Variants in ASPM observed in about 807,000 individuals in gnomAD.
ASPM encodes assembly factor for spindle microtubules.
In ASPM, 256 loss-of-function variants were observed where a neutral mutation model predicts 366.4. The ratio of observed to expected loss-of-function variants is 0.70; its 90% CI spans 0.63 to 0.77. The LOEUF is 0.77. ASPM is among the 30% of genes least tolerant of loss of function. ASPM has a pLI of 0.00. For synonymous variants in ASPM, 1,414 were observed against 1,342.9 expected (o/e 1.05, Z -1.16); for missense variants, 4,146 against 4,090.4 (o/e 1.01, Z -0.37).
rs137887134 is a variant in ASPM, at chr1:197,086,846, G to A, written c.10288C>T (p.Pro3430Ser). Residue 3430 changes from proline (P) to serine (S), a missense_variant, in exon 27 of 28, where the codon CCT (proline) becomes TCT (serine). Physicochemically the swap from Pro to Ser is moderately conservative, Grantham distance 74. This residue lies in a region of ASPM where 3,624 missense variants were observed against 3,591.7 expected (regional missense o/e 1.01). Coordinates refer to ENST00000367409, the MANE Select transcript of ASPM (RefSeq NM_018136.5). ...KQKKNSSISI[P>S]FIPETPVRTR... ...CTTACAGGTGTTTCTGGGATAAAAG[G>A]AATGCTTATAGAAGAATTCTTCTTT... The A allele has an allele frequency of 6.6e-5, 107 of 1,611,540 alleles. No individual in the cohort carries two copies. The highest frequency in any genetic ancestry group is 8.4e-5 in the Non-Finnish European group (99 of 1,178,246).
At chr1:197,135,562 T>G (rs1444468781) in intron 4 of ASPM, among the ~76,000 whole-genome samples, 1 of 151,992 alleles carries the variant, frequency 6.6e-6, no homozygotes, top group African/African-American at 2.4e-5. Context: ...GATAATATAT[T>G]CATAGAATTT....
chr1:197,139,677 A>C (rs1228950953), intron 4 of ASPM, 90 bp downstream of exon 4: 1 of 1,042,988 alleles, frequency 9.6e-7, no homozygotes, highest in East Asian at 2.4e-5. Flanking sequence ...GTTATTCAAC[A>C]ACAAAAATCA....
At position 197,102,694 on chromosome 1, in the gene ASPM, A is replaced by G. The variant is rs1398749301; in HGVS notation, c.6557T>C (p.Leu2186Pro). 2 of 1,612,588 alleles carry G rather than the reference A, an allele frequency of 1.2e-6. No individual in the cohort carries two copies. Among genetic ancestry groups the G allele is most frequent in the African/African-American group, 2.7e-5 (2 of 74,798 alleles). Residue 2186 changes from leucine (L) to proline (P), a missense_variant, in exon 18 of 28, where the codon CTT (leucine) becomes CCT (proline). Coordinates refer to ENST00000367409, the MANE Select transcript of ASPM (RefSeq NM_018136.5). ...SFRGVRVRRTLRKMQTAATLI... is the reference protein window; with the variant it reads ...SFRGVRVRRTPRKMQTAATLI... The stretch of plus-strand genomic sequence containing the variant: ...TGTTGCTGCAGTCTGCATCTTTCTA[A>G]GAGTCCGTCTAACTCTTACTCCTCT...
chr1:197,096,946 T>G (rs1242127580), intron 18 of ASPM, among the ~76,000 whole-genome samples: 1 of 151,750 alleles, frequency 6.6e-6, no homozygotes. Context: ...TGTTAGCATA[T>G]AGCTGTTAAG....
In ASPM at chr1:197,104,071, T is replaced by G. The variant is rs1401244809; in HGVS notation, c.5180A>C (p.Gln1727Pro). The G allele has an allele frequency of 2.5e-6, 4 of 1,613,072 alleles. No homozygotes were observed. The highest frequency in any genetic ancestry group is 3.4e-6 in the Non-Finnish European group (4 of 1,179,468). Residue 1727 changes from glutamine to proline, a missense_variant, in exon 18 of 28, where the codon CAG becomes CCG. Transcript: ENST00000367409. ...CAGTTTGATACAAGATTCCCGCATCTGCATATACTCTTCTCTCTTTTGTGC... is the reference window on the plus strand; with the variant it reads ...CAGTTTGATACAAGATTCCCGCATCGGCATATACTCTTCTCTCTTTTGTGC... ...IAAQKREEYM[Q>P]MRESCIKLQA...
chr1:197,103,809 AC>A lies in ASPM; in HGVS notation c.5441del (p.Gly1814ValfsTer7). On this transcript the variant is annotated frameshift_variant, in exon 18 of 28. Coordinates refer to ENST00000367409, the MANE Select transcript of ASPM (RefSeq NM_018136.5). LOFTEE classifies it high-confidence loss of function. ...AATCLQAAYR[G>X]YKVRQLIKQQ... ...GTTTGATTAGCTGGCGTACTTTATA[AC>A]CTCTGTAAGCTGCTTGCAAGCAAGT... The A allele has an allele frequency of 6.2e-7, 1 of 1,612,846 alleles. No homozygotes were observed. The highest frequency in any genetic ancestry group is 8.5e-7 in the Non-Finnish European group (1 of 1,179,322).
Position 197,102,456 on chromosome 1 carries a change from G to T in ASPM, c.6795C>A (p.Ala2265=). The part of the protein sequence containing the change: ...ARRHLKMMHI[A]ATLIQRRFRT... ...TAAATCTCCTCTGAATGAGAGTTGC[G>T]GCTATATGCATCATTTTTAAATGTC... Residue 2265 remains alanine (A), a synonymous_variant, in exon 18 of 28, where the codon GCC becomes GCA. Coordinates refer to ENST00000367409, the MANE Select transcript of ASPM (RefSeq NM_018136.5). 1 of 1,612,204 alleles carries T rather than the reference G, an allele frequency of 6.2e-7. No homozygotes were observed.
Position 197,101,745 on chromosome 1 carries a change from A to C in ASPM, c.7506T>G (p.Thr2502=), listed in dbSNP as rs1331399364. 1.3e-5 allele frequency: 21 copies of C among 1,612,180 alleles called. No individual in the cohort carries two copies. Among genetic ancestry groups the C allele is most frequent in the Non-Finnish European group, 1.8e-5 (21 of 1,179,128 alleles). Residue 2502 remains threonine (T), a synonymous_variant, in exon 18 of 28, where the codon ACT becomes ACG. Transcript: ENST00000367409. ...RMYRTYITFQ[T]WKHASILIQQ... ...GAATTAGAATTGAAGCATGTTTCCAAGTCTGAAATGTAATATATGTTCTGT... is the reference window on the plus strand; with the variant it reads ...GAATTAGAATTGAAGCATGTTTCCACGTCTGAAATGTAATATATGTTCTGT...
In ASPM at chr1:197,092,067, A is replaced by G; in HGVS notation, c.9295-11T>C. The G allele has an allele frequency of 1.2e-6, 2 of 1,610,988 alleles. No individual in the cohort carries two copies. The highest frequency in any genetic ancestry group is 1.7e-6 in the Non-Finnish European group (2 of 1,178,146). The stretch of plus-strand genomic sequence containing the variant: ...TCTCTGTTCTAAAAACTAAAGGTGA[A>G]AAAACAAAGCATATTCAAGTATCTG... On this transcript the variant is annotated splice_polypyrimidine_tract_variant and intron_variant, in intron 21 of 27. Transcript: ENST00000367409.
chr1:197,094,251 C>T, intron 19 of ASPM, 71 bp from the exon 20 acceptor site: 2 of 900,414 alleles, frequency 2.2e-6, no homozygotes, highest in Middle Eastern at 2.2e-4. Flanking sequence ...TTGCCTCCCC[C>T]CCTTTAAAAT....
intron 5 of ASPM, among the ~76,000 whole-genome samples, chr1:197,133,956 T>A (rs1658343531): frequency 6.6e-6 from 1 of 152,198 alleles, no homozygotes; most frequent in Non-Finnish European, 1.5e-5. Context: ...GAAATGTAAT[T>A]TAATCTTTTA....
Position 197,103,792 on chromosome 1 carries a change from A to G in ASPM, c.5459T>C (p.Leu1820Pro), listed in dbSNP as rs778592617. Residue 1820 changes from leucine to proline, a missense_variant, in exon 18 of 28, where the codon CTA (leucine) becomes CCA (proline). Around this residue, in one of 3 missense-constraint regions of ASPM, gnomAD observed 3,624 missense variants for 3,591.7 expected, o/e 1.01. Coordinates refer to ENST00000367409, the MANE Select transcript of ASPM (RefSeq NM_018136.5). ...AAYRGYKVRQ[L>P]IKQQSIAALK... Reference sequence around the variant, plus strand: ...AGCAGCTATAGATTGTTGTTTGATTAGCTGGCGTACTTTATAACCTCTGTA... The same window carrying G: ...AGCAGCTATAGATTGTTGTTTGATTGGCTGGCGTACTTTATAACCTCTGTA... 6.8e-6 allele frequency: 11 copies of G among 1,613,010 alleles called. No individual in the cohort carries two copies. The highest frequency in any genetic ancestry group is 3.3e-5 in the Admixed American group (2 of 59,804).
intron 9 of ASPM, 120 bp downstream of exon 9, chr1:197,129,067 T>G (rs1468548284): frequency 2.7e-6 from 3 of 1,129,112 alleles, no homozygotes; most frequent in Non-Finnish European, 3.8e-6. Context: ...CCTATTTTAC[T>G]CCTCTGAGTA....
chr1:197,098,290 C>A (rs1657045066), intron 18 of ASPM, among the ~76,000 whole-genome samples: 1 of 151,540 alleles, frequency 6.6e-6, no homozygotes, highest in East Asian at 1.9e-4. Context: ...TCATTAGAGT[C>A]ACCTGGGAGC....
At chr1:197,123,317 C>A (rs1394759160) in intron 13 of ASPM, among the ~76,000 whole-genome samples, 1 of 152,120 alleles carries the variant, frequency 6.6e-6, no homozygotes. Context: ...ACAAAAAGAG[C>A]ACCACCTTGT....
At position 197,143,641 on chromosome 1, in the gene ASPM, C is replaced by A. The variant is rs1658673961; in HGVS notation, c.611G>T (p.Gly204Val). Residue 204 changes from glycine (G) to valine (V), a missense_variant, in exon 3 of 28, where the codon GGT becomes GTT. This residue lies in a region of ASPM where 512 missense variants were observed against 471.7 expected (regional missense o/e 1.09). Transcript: ENST00000367409. Reference sequence around the variant, plus strand: ...TAAAGAATTGTTTTCTGTTGGGGGACCGCCTTCATTCATAGCCAAGTTTTC... The same window carrying A: ...TAAAGAATTGTTTTCTGTTGGGGGAACGCCTTCATTCATAGCCAAGTTTTC... ...ACENLAMNEGGPPTENNSLIL... is the reference protein window; with the variant it reads ...ACENLAMNEGVPPTENNSLIL... 1 of 1,613,164 alleles carries A rather than the reference C, an allele frequency of 6.2e-7. No homozygotes were observed. Among genetic ancestry groups the A allele is most frequent in the Admixed American group, 1.7e-5 (1 of 59,986 alleles).
At chr1:197,097,151 C>G (rs1429493607) in intron 18 of ASPM, among the ~76,000 whole-genome samples, 1 of 151,754 alleles carries the variant, frequency 6.6e-6, no homozygotes, top group Non-Finnish European at 1.5e-5. Flanking sequence ...TGAGCCTTAT[C>G]TCTCCCTTTC....
chr1:197,133,657 C>G (rs1658333642), intron 5 of ASPM, 62 bp from the exon 6 acceptor site: 1 of 1,568,892 alleles, frequency 6.4e-7, no homozygotes, highest in Non-Finnish European at 8.7e-7. Flanking sequence ...ATTCTTAAAT[C>G]CAGCAATAAA....
chr1:197,138,995 A>G (rs1658501435), intron 4 of ASPM: 1 of 724,014 alleles, frequency 1.4e-6, no homozygotes, highest in East Asian at 2.5e-5. Context: ...TCTCTCTGAC[A>G]TTGATCATAG....
Sources: gnomAD v4.1 joint callset for allele counts (sites outside exome capture counted in the v4.1 genomes callset) on GRCh38, gnomAD v4.1.1 for gene constraint, gnomAD v4.1.1 regional missense constraint, MANE v1.5 for transcripts, NCBI Gene and HGNC (gene_info 2026-07-23, HGNC 2026-07-21) for gene names.